Variants in EYS observed in about 807,000 individuals in gnomAD.
EYS encodes protein eyes shut homolog.
EYS carries 250 observed loss-of-function variants against 282.1 expected under a neutral mutation model. That is an observed-to-expected ratio of 0.89 (90% CI 0.80 to 0.98). EYS has a LOEUF of 0.98. Ranked by LOEUF, EYS falls within the 50% of genes least tolerant of loss-of-function variation. The pLI is 0.00. For missense variants in EYS, 4,016 were observed against 3,709.0 expected (o/e 1.08, Z -2.15); for synonymous variants, 1,355 against 1,282.9 (o/e 1.06, Z -1.20).
intron 8 of EYS, among the ~76,000 whole-genome samples, chr6:65,354,496 G>A (rs2150328085): frequency 6.6e-6 from 1 of 151,750 alleles, no homozygotes; most frequent in East Asian, 1.9e-4. Context: ...CAACCTTAAA[G>A]TATGAGTCAA....
At chr6:64,425,050 G>C (rs1310013458) in intron 28 of EYS, among the ~76,000 whole-genome samples, 1 of 152,168 alleles carries the variant, frequency 6.6e-6, no homozygotes, top group Non-Finnish European at 1.5e-5. Context: ...GTGAGATTAA[G>C]GGCTCTGGGG....
At chr6:64,952,961 T>C (rs1769563989) in intron 14 of EYS, among the ~76,000 whole-genome samples, 1 of 151,964 alleles carries the variant, frequency 6.6e-6, no homozygotes, top group Admixed American at 6.6e-5. Context: ...TCTATAATGA[T>C]ATTCATTGGT....
chr6:64,929,652 C>T (rs969813836), intron 15 of EYS, among the ~76,000 whole-genome samples: 6 of 152,060 alleles, frequency 3.9e-5, no homozygotes, highest in Non-Finnish European at 8.8e-5. Context: ...TGAGTTACTC[C>T]TTTTTGATAA....
intron 31 of EYS, among the ~76,000 whole-genome samples, chr6:64,137,895 C>T (rs1345712651): frequency 1.3e-5 from 2 of 152,070 alleles, no homozygotes; most frequent in Non-Finnish European, 1.5e-5. Flanking sequence ...AGAGTCCTTA[C>T]TTTGTAAAAA....
At chr6:64,458,531 C>A (rs1775635992) in intron 26 of EYS, among the ~76,000 whole-genome samples, 2 of 152,016 alleles carry the variant, frequency 1.3e-5, no homozygotes, top group African/African-American at 2.4e-5. Context: ...AAGGTTTTGG[C>A]TGCAAAGTCT....
At chr6:65,466,121 GT>G (rs1764990389) in intron 5 of EYS, among the ~76,000 whole-genome samples, 1 of 152,044 alleles carries the variant, frequency 6.6e-6, no homozygotes, top group Non-Finnish European at 1.5e-5. Flanking sequence ...GTATAATAGT[GT>G]AACAAGTTTT....
chr6:63,904,334 T>G (rs1341999375), intron 35 of EYS, among the ~76,000 whole-genome samples: 3 of 152,170 alleles, frequency 2.0e-5, no homozygotes, highest in Non-Finnish European at 4.4e-5. Context: ...ACCCAACCTT[T>G]TTTTTTCTAT....
At chr6:65,200,898 T>C (rs1765883676) in intron 12 of EYS, among the ~76,000 whole-genome samples, 2 of 152,144 alleles carry the variant, frequency 1.3e-5, no homozygotes, top group South Asian at 4.1e-4. Context: ...AAAACTGTAA[T>C]TCATTTTGCC....
At chr6:64,786,181 G>T (rs1262268064) in intron 22 of EYS, among the ~76,000 whole-genome samples, 1 of 95,164 alleles carries the variant, frequency 1.1e-5, no homozygotes, top group Non-Finnish European at 2.6e-5. Flanking sequence ...GTCTTTACTG[G>T]TTCTACATTT....
chr6:65,664,503 A>C (rs1761188508), intron 1 of EYS, among the ~76,000 whole-genome samples: 1 of 152,176 alleles, frequency 6.6e-6, no homozygotes, highest in African/African-American at 2.4e-5. Flanking sequence ...GAGGAGTTAC[A>C]AAAGAAGTAT....
intron 2 of EYS, among the ~76,000 whole-genome samples, chr6:65,619,425 G>T (rs1205081043): frequency 2.0e-5 from 3 of 152,198 alleles, no homozygotes; most frequent in Non-Finnish European, 4.4e-5. Context: ...CTTTGCTGAA[G>T]TTGTTTATCA....
intron 12 of EYS, among the ~76,000 whole-genome samples, chr6:65,076,517 G>A (rs1774055738): frequency 6.6e-6 from 1 of 151,862 alleles, no homozygotes; most frequent in African/African-American, 2.4e-5. Flanking sequence ...TTTTAGAAAT[G>A]GAAATCCTGG....
chr6:65,007,186 G>A (rs571839722), intron 13 of EYS, among the ~76,000 whole-genome samples: 78 of 152,124 alleles, frequency 5.1e-4, no homozygotes, highest in African/African-American at 1.8e-3. Context: ...GGGTGGTTAC[G>A]CACCTAGAAA....
intron 12 of EYS, among the ~76,000 whole-genome samples, chr6:65,088,126 T>G (rs1581898166): frequency 6.6e-6 from 1 of 152,190 alleles, no homozygotes; most frequent in South Asian, 2.1e-4. Flanking sequence ...TCAATTAAAC[T>G]TCTTTCCTTT....
At chr6:64,123,549 T>C (rs1773660915) in intron 31 of EYS, among the ~76,000 whole-genome samples, 1 of 152,200 alleles carries the variant, frequency 6.6e-6, no homozygotes, top group Non-Finnish European at 1.5e-5. Flanking sequence ...CTGCACCTTT[T>C]AGCAATCTTG....
chr6:65,619,589 T>C (rs1170623209), intron 2 of EYS, among the ~76,000 whole-genome samples: 1 of 152,038 alleles, frequency 6.6e-6, no homozygotes, highest in East Asian at 1.9e-4. Context: ...TCCAACACTA[T>C]GTTGAATAGG....
chr6:64,091,383 C>A (rs1772354292), intron 31 of EYS, among the ~76,000 whole-genome samples: 1 of 152,138 alleles, frequency 6.6e-6, no homozygotes, highest in Non-Finnish European at 1.5e-5. Flanking sequence ...CCCAGATTAA[C>A]CTTTCCCAGA....
At chr6:63,950,186 A>T (rs928834161) in intron 35 of EYS, among the ~76,000 whole-genome samples, 2 of 151,242 alleles carry the variant, frequency 1.3e-5, no homozygotes, top group African/African-American at 4.9e-5. Context: ...AACAAAAACA[A>T]AACAAAACAA....
chr6:65,132,740 C>G (rs2208580), intron 12 of EYS, among the ~76,000 whole-genome samples: 20,502 of 151,238 alleles, frequency 0.14, 1,952 homozygotes, highest in African/African-American at 0.27. Flanking sequence ...ATAAATAAAG[C>G]GTATTCAAAT....
Sources: allele counts gnomAD v4.1 joint callset (sites outside exome capture counted in the v4.1 genomes callset), GRCh38; gene constraint gnomAD v4.1.1; transcripts MANE v1.5; gene names NCBI Gene and HGNC (gene_info 2026-07-23, HGNC 2026-07-21).